CNTNAP2: variants seen among roughly 807,000 people sequenced by gnomAD.
CNTNAP2 encodes contactin-associated protein-like 2.
CNTNAP2 carries 98 observed loss-of-function variants against 155.2 expected under a neutral mutation model. That is an observed-to-expected ratio of 0.63 (90% CI 0.54 to 0.75). CNTNAP2 has a LOEUF of 0.75. Ranked by LOEUF, CNTNAP2 falls within the 30% of genes least tolerant of loss-of-function variation. The pLI is 0.00. For synonymous variants in CNTNAP2, 651 were observed against 631.2 expected, an observed-to-expected ratio of 1.03 and a Z score of -0.47; for missense variants, 1,727 against 1,688.1, an observed-to-expected ratio of 1.02 and a Z score of -0.40.
chr7:147,071,787 A>G (rs140417108), intron 4 of CNTNAP2, among the ~76,000 whole-genome samples: 59 of 152,364 alleles, frequency 3.9e-4, no homozygotes, highest in African/African-American at 1.4e-3. Flanking sequence ...AGTACTAGAC[A>G]GAGGATCACA....
At chr7:148,366,825 C>CA (rs753228339) in intron 21 of CNTNAP2, among the ~76,000 whole-genome samples, 1,697 of 146,120 alleles carry the variant, frequency 0.012, 22 homozygotes, top group Middle Eastern at 0.042. Flanking sequence ...AAAATGACCC[C>CA]AAAAAAAAAA....
chr7:148,360,995 G>A (rs541176900), intron 21 of CNTNAP2, among the ~76,000 whole-genome samples: 3 of 152,092 alleles, frequency 2.0e-5, no homozygotes, highest in Non-Finnish European at 2.9e-5. Context: ...TTTTAGTAGA[G>A]ACGGGGTTTC....
chr7:147,168,973 A>G (rs900155491), intron 8 of CNTNAP2, among the ~76,000 whole-genome samples: 7 of 152,184 alleles, frequency 4.6e-5, no homozygotes, highest in African/African-American at 1.7e-4. Context: ...AGACCAAATG[A>G]GTATATCAAT....
At chr7:146,235,611 G>A (rs1584817743) in intron 1 of CNTNAP2, among the ~76,000 whole-genome samples, 1 of 152,222 alleles carries the variant, frequency 6.6e-6, no homozygotes, top group East Asian at 1.9e-4. Context: ...AGGGATCTGG[G>A]GTTCTTATAC....
At chr7:147,630,560 T>G (rs1795069542) in intron 12 of CNTNAP2, among the ~76,000 whole-genome samples, 1 of 152,056 alleles carries the variant, frequency 6.6e-6, no homozygotes, top group Non-Finnish European at 1.5e-5. Context: ...TGAACATATA[T>G]GCAAAAATCC....
chr7:147,502,584 T>G (rs1055535161), intron 11 of CNTNAP2, among the ~76,000 whole-genome samples: 1 of 152,166 alleles, frequency 6.6e-6, no homozygotes, highest in Non-Finnish European at 1.5e-5. Context: ...TACAACATGG[T>G]GACTACAGTT....
intron 8 of CNTNAP2, among the ~76,000 whole-genome samples, chr7:147,183,755 G>A (rs1802512752): frequency 6.6e-6 from 1 of 152,134 alleles, no homozygotes; most frequent in Non-Finnish European, 1.5e-5. Flanking sequence ...TGACTCTGGG[G>A]ATAGTCTCCA....
intron 3 of CNTNAP2, among the ~76,000 whole-genome samples, chr7:146,907,048 A>G (rs1177011007): frequency 1.3e-5 from 2 of 151,110 alleles, no homozygotes; most frequent in Non-Finnish European, 2.9e-5. Flanking sequence ...AAGAAAGGGT[A>G]TCAGCGATGG....
intron 11 of CNTNAP2, among the ~76,000 whole-genome samples, chr7:147,557,154 C>T (rs1314007692): frequency 6.6e-6 from 1 of 151,948 alleles, no homozygotes; most frequent in Non-Finnish European, 1.5e-5. Context: ...ATCCCAGCTG[C>T]TTGGGAAGCT....
chr7:147,718,811 T>C (rs773268383), intron 13 of CNTNAP2, among the ~76,000 whole-genome samples: 1 of 152,174 alleles, frequency 6.6e-6, no homozygotes, highest in Non-Finnish European at 1.5e-5. Flanking sequence ...GAGCCCAATG[T>C]AATAATGGCT....
chr7:146,555,271 C>T lies in CNTNAP2; in HGVS notation c.98-219000C>T, dbSNP rs577811225. Among the ~76,000 whole-genome samples, 44 of 152,242 alleles carry T rather than the reference C, an allele frequency of 2.9e-4. No individual in the cohort carries two copies. The South Asian group carries it at 8.9e-3, about 31-fold the overall frequency. On this transcript the variant is annotated intron_variant, in intron 1 of 23. Transcript: ENST00000361727. ...GACCCACCTTCCCACACCATCTCACCCCTACCTTGAAAAGAAACCTTTGCT... is the reference window on the plus strand; with the variant it reads ...GACCCACCTTCCCACACCATCTCACTCCTACCTTGAAAAGAAACCTTTGCT...
At chr7:147,749,387 T>A (rs1797097780) in intron 13 of CNTNAP2, among the ~76,000 whole-genome samples, 1 of 152,214 alleles carries the variant, frequency 6.6e-6, no homozygotes, top group African/African-American at 2.4e-5. Flanking sequence ...TCCCATTTTT[T>A]ACTTTCATAG....
At chr7:147,569,168 G>A (rs942806546) in intron 12 of CNTNAP2, among the ~76,000 whole-genome samples, 10 of 152,258 alleles carry the variant, frequency 6.6e-5, no homozygotes, top group South Asian at 2.1e-4. Flanking sequence ...AAAGCTGTTC[G>A]TGTCTTTTTA....
chr7:146,478,128 T>G (rs1299320550), intron 1 of CNTNAP2, among the ~76,000 whole-genome samples: 1 of 152,124 alleles, frequency 6.6e-6, no homozygotes, highest in Non-Finnish European at 1.5e-5. Flanking sequence ...TAGTCTGAGT[T>G]TGCGGCTTTT....
intron 10 of CNTNAP2, among the ~76,000 whole-genome samples, chr7:147,480,817 C>G: frequency 6.6e-6 from 1 of 152,168 alleles, no homozygotes; most frequent in East Asian, 1.9e-4. Flanking sequence ...CTATTCCAAC[C>G]GTGGTTCTCT....
At chr7:147,331,134 T>G (rs1795558701) in intron 9 of CNTNAP2, among the ~76,000 whole-genome samples, 1 of 151,892 alleles carries the variant, frequency 6.6e-6, no homozygotes, top group Non-Finnish European at 1.5e-5. Flanking sequence ...AAGCAGGAAA[T>G]TATGCACCTG....
At chr7:147,186,113 G>A (rs1282345169) in intron 8 of CNTNAP2, among the ~76,000 whole-genome samples, 1 of 152,138 alleles carries the variant, frequency 6.6e-6, no homozygotes, top group Admixed American at 6.5e-5. Flanking sequence ...TGAAAGGGAA[G>A]AGAAGGAAAA....
intron 13 of CNTNAP2, among the ~76,000 whole-genome samples, chr7:147,748,212 A>C (rs1188495890): frequency 2.0e-5 from 3 of 152,374 alleles, no homozygotes; most frequent in Non-Finnish European, 2.9e-5. Context: ...ATGTTTAAGA[A>C]AGATTCATGG....
intron 3 of CNTNAP2, among the ~76,000 whole-genome samples, chr7:146,895,115 C>T (rs965549274): frequency 1.8e-4 from 27 of 152,024 alleles, no homozygotes; most frequent in African/African-American, 5.3e-4. Context: ...TAAACCTGTA[C>T]GTTTAGCTTA....
Sources: gnomAD v4.1 joint callset for allele counts (sites outside exome capture counted in the v4.1 genomes callset) on GRCh38, gnomAD v4.1.1 for gene constraint, MANE v1.5 for transcripts, NCBI Gene and HGNC (gene_info 2026-07-23, HGNC 2026-07-21) for gene names.